Variants in SESTD1 observed in about 807,000 individuals in gnomAD.
SESTD1 encodes the protein SEC14 domain and spectrin repeat-containing protein 1.
In SESTD1, 43 loss-of-function variants were observed where a neutral mutation model predicts 101.7. The ratio of observed to expected loss-of-function variants is 0.42; its 90% CI spans 0.33 to 0.55. SESTD1 has a LOEUF of 0.55. Ranked by LOEUF, SESTD1 falls within the 20% of genes least tolerant of loss-of-function variation. SESTD1 has a pLI of 0.07. For synonymous variants in SESTD1, 283 were observed against 286.8 expected (o/e 0.99, Z 0.13); for missense variants, 647 against 815.1 (o/e 0.79, Z 2.51).
In SESTD1 at chr2:179,133,988, A is replaced by G. The variant is rs1165377436; in HGVS notation, c.850-1562T>C. 2.0e-5 allele frequency among the ~76,000 whole-genome samples: 3 copies of G among 152,254 alleles called. No homozygotes were observed. The East Asian group carries it at 5.8e-4, about 29-fold the overall frequency. ...AGTACACTATAACAGCTATTTTCAT[A>G]GCATCTGCATTGTAGTAGATATTAT... On this transcript the variant is annotated intron_variant, in intron 9 of 17. Transcript: ENST00000428443.
intron 1 of SESTD1, among the ~76,000 whole-genome samples, chr2:179,210,536 T>G (rs2046637813): frequency 7.4e-6 from 1 of 134,754 alleles, no homozygotes; most frequent in African/African-American, 2.9e-5. Flanking sequence ...CATACACCAG[T>G]TGATATATGT....
chr2:179,160,435 T>C (rs1411092955), intron 5 of SESTD1, among the ~76,000 whole-genome samples: 2 of 151,924 alleles, frequency 1.3e-5, no homozygotes, highest in Non-Finnish European at 2.9e-5. Flanking sequence ...AGCACAAATA[T>C]TTAAAAGTAC....
intron 7 of SESTD1, among the ~76,000 whole-genome samples, chr2:179,147,522 T>C (rs768856988): frequency 3.3e-5 from 5 of 152,170 alleles, no homozygotes; most frequent in Non-Finnish European, 5.9e-5. Context: ...CCACCACGCC[T>C]GGCTAATGTT....
chr2:179,183,176 C>G lies in SESTD1; in HGVS notation c.68G>C (p.Arg23Thr). Reference protein sequence around the residue: ...KLAFLSGGKDRRSGLILTIPL... With the variant: ...KLAFLSGGKDTRSGLILTIPL... ...AATTGTCAAAATGAGGCCACTCCGT[C>G]TGTCTTTTCCTCCTATTAAAAAAGA... Residue 23 changes from arginine to threonine, a missense_variant, in exon 3 of 18, where the codon AGA (arginine) becomes ACA (threonine). Transcript: ENST00000428443. The G allele has an allele frequency of 6.2e-7, 1 of 1,606,886 alleles. No individual in the cohort carries two copies. Among genetic ancestry groups the G allele is most frequent in the East Asian group, 2.2e-5 (1 of 44,688 alleles).
intron 1 of SESTD1, among the ~76,000 whole-genome samples, chr2:179,256,389 T>C (rs112958595): frequency 9.9e-4 from 150 of 152,276 alleles, no homozygotes; most frequent in African/African-American, 3.0e-3. Flanking sequence ...CCAACTTCCA[T>C]AGATAACTTT....
At chr2:179,121,382 G>A (rs1208157046) in intron 13 of SESTD1, among the ~76,000 whole-genome samples, 1 of 152,138 alleles carries the variant, frequency 6.6e-6, no homozygotes, top group Admixed American at 6.5e-5. Flanking sequence ...CATTCTGTAA[G>A]TTTAGATGAA....
At chr2:179,241,323 T>C (rs2047149633) in intron 1 of SESTD1, among the ~76,000 whole-genome samples, 1 of 151,468 alleles carries the variant, frequency 6.6e-6, no homozygotes, top group African/African-American at 2.4e-5. Context: ...GCTAAAAACT[T>C]CCCCAATTTG....
intron 1 of SESTD1, among the ~76,000 whole-genome samples, chr2:179,220,350 C>G (rs549641329): frequency 6.6e-6 from 1 of 152,036 alleles, no homozygotes; most frequent in Non-Finnish European, 1.5e-5. Context: ...ACAGATAAAT[C>G]CTTAGTTTGA....
intron 1 of SESTD1, among the ~76,000 whole-genome samples, chr2:179,249,227 A>G (rs1048273226): frequency 5.3e-5 from 8 of 151,310 alleles, no homozygotes; most frequent in African/African-American, 1.2e-4. Context: ...AAAAAAAAAA[A>G]AAGAAGACTA....
intron 1 of SESTD1, among the ~76,000 whole-genome samples, chr2:179,220,415 G>A (rs568410259): frequency 1.3e-5 from 2 of 152,292 alleles, no homozygotes; most frequent in East Asian, 3.9e-4. Flanking sequence ...TTGCACTAGA[G>A]GAGCAAATCA....
rs1314663078 is a variant in SESTD1, at chr2:179,127,418, CAT to C, written c.973-2862_973-2861del. ...TATATGGCAAAAGCCTAGAACAACA[CAT>C]GACACATAGTATGTGCTCAATTAAC... On this transcript the variant is annotated intron_variant, in intron 10 of 17. Transcript: ENST00000428443. Among the ~76,000 whole-genome samples the C allele has an allele frequency of 2.6e-5, 4 of 152,214 alleles. No individual in the cohort carries two copies. The East Asian group carries it at 5.8e-4, about 22-fold the overall frequency.
chr2:179,155,066 C>T (rs1022816441), intron 5 of SESTD1, among the ~76,000 whole-genome samples: 1 of 152,032 alleles, frequency 6.6e-6, no homozygotes, highest in Non-Finnish European at 1.5e-5. Flanking sequence ...GGGCGTGCCA[C>T]CATGCTCGGC....
intron 1 of SESTD1, among the ~76,000 whole-genome samples, chr2:179,193,291 C>G (rs1174507781): frequency 6.6e-6 from 1 of 152,104 alleles, no homozygotes; most frequent in Admixed American, 6.6e-5. Flanking sequence ...TCAAAGAAAA[C>G]AAGTTGTCCA....
chr2:179,184,466 T>C (rs887176497), intron 2 of SESTD1, among the ~76,000 whole-genome samples: 2 of 152,112 alleles, frequency 1.3e-5, no homozygotes, highest in African/African-American at 4.8e-5. Context: ...CTTTGTTTAA[T>C]GTCAACAAAT....
Position 179,104,527 on chromosome 2 carries a change from T to G in SESTD1, c.*5372A>C, listed in dbSNP as rs1311475430. On this transcript the variant is annotated 3_prime_UTR_variant, in exon 18 of 18. Coordinates refer to ENST00000428443, the MANE Select transcript of SESTD1 (RefSeq NM_178123.5). ...CTGAGTGGAAAGGCACCCAGTCATC[T>G]CTCATCTCTCCCCCAAGACAGAAGC... 3 of 152,238 alleles carry G rather than the reference T, an allele frequency of 2.0e-5. No individual in the cohort carries two copies. In the East Asian group the frequency reaches 5.8e-4, roughly 29 times the overall value. The allele number at this position is 152,238 out of a possible 1,614,324, so 9.4% of individuals were successfully genotyped here.
chr2:179,162,403 C>A (rs545568304), intron 5 of SESTD1: 3 of 152,224 alleles, frequency 2.0e-5, no homozygotes, highest in African/African-American at 7.2e-5. Context: ...GAGACTGATA[C>A]TTACTTTGAT....
intron 1 of SESTD1, among the ~76,000 whole-genome samples, chr2:179,255,044 G>C (rs1169613814): frequency 6.6e-6 from 1 of 152,148 alleles, no homozygotes; most frequent in East Asian, 1.9e-4. Context: ...ACCCATATAA[G>C]ATGGCGAACT....
chr2:179,232,484 G>C (rs957083583), intron 1 of SESTD1, among the ~76,000 whole-genome samples: 2 of 151,868 alleles, frequency 1.3e-5, no homozygotes, highest in Admixed American at 1.3e-4. Flanking sequence ...AAAAAAAAGA[G>C]AAAGCACAAA....
At chr2:179,163,712 T>G (rs1472117948) in intron 5 of SESTD1, among the ~76,000 whole-genome samples, 1 of 152,118 alleles carries the variant, frequency 6.6e-6, no homozygotes. Context: ...ATTTTATACA[T>G]GCTAGAGAAG....
Sources: allele counts gnomAD v4.1 joint callset (sites outside exome capture counted in the v4.1 genomes callset), GRCh38; gene constraint gnomAD v4.1.1; transcripts MANE v1.5; gene names NCBI Gene and HGNC (gene_info 2026-07-23, HGNC 2026-07-21).